NFATC1: variants seen among roughly 807,000 people sequenced by gnomAD.
The protein encoded by NFATC1 is nuclear factor of activated T-cells, cytoplasmic 1.
A neutral mutation model predicts 76.0 loss-of-function variants in NFATC1; 22 were observed. That is an observed-to-expected ratio of 0.29 (90% confidence interval 0.21 to 0.41). The LOEUF (loss-of-function observed/expected upper bound fraction) is 0.41. NFATC1 is among the 10% of genes least tolerant of loss of function. The probability of loss-of-function intolerance (pLI) is 1.00; values close to 1 mark genes in which losing one functional copy is unlikely to be tolerated. For synonymous variants in NFATC1, 704 were observed against 613.1 expected, an observed-to-expected ratio of 1.15 and a Z score of -2.19; for missense variants, 1,357 against 1,337.7, an observed-to-expected ratio of 1.01 and a Z score of -0.23.
Position 79,469,471 on chromosome 18 carries a change from G to A in NFATC1, c.2092+1889G>A, listed in dbSNP as rs368590319. ...AGGACCGTGGCCACAGCATGAAGCC[G>A]GTGGGGCTGAGCCGCTCCTGCTACC... On this transcript the variant is annotated intron_variant, in intron 8 of 9. Transcript: ENST00000427363. The A allele has an allele frequency of 6.3e-4, 618 of 985,384 alleles. 4 individuals carry two copies. The African/African-American group carries it at 9.0e-3, about 14-fold the overall frequency. 61.0% of individuals were successfully genotyped at this position (985,384 alleles called of 1,614,324 possible). A position where few individuals can be genotyped will look rare whatever the true frequency, so the allele number is the denominator to read the frequency against.
At chr18:79,396,962 G>A (rs756645368) in intron 1 of NFATC1, among the ~76,000 whole-genome samples, 2 of 152,234 alleles carry the variant, frequency 1.3e-5, no homozygotes, top group Non-Finnish European at 2.9e-5. Flanking sequence ...AATCCTATAG[G>A]CAGGAGTTCC....
rs1601003738 is a variant in NFATC1 at position 79,521,347 on chromosome 18, G to C, written c.2783-6181G>C. 4.1e-5 allele frequency among the ~76,000 whole-genome samples: 4 copies of C among 97,424 alleles called. 1 individual carries two copies. The Admixed American group carries it at 4.8e-4, about 12-fold the overall frequency. 63.9% of individuals were successfully genotyped at this position (97,424 alleles called of 152,430 possible). On this transcript the variant is annotated intron_variant, in intron 9 of 9. Coordinates refer to ENST00000427363, the MANE Select transcript of NFATC1 (RefSeq NM_001278669.2). Reference sequence around the variant, plus strand: ...TGTCTGTGTGTGTGTGTGTAGGGGGGGAGCATCCACTGATGTGTGTGTGTG... The same window carrying C: ...TGTCTGTGTGTGTGTGTGTAGGGGGCGAGCATCCACTGATGTGTGTGTGTG...
At position 79,474,033 on chromosome 18, in the gene NFATC1, C is replaced by T. The variant is rs1182632880; in HGVS notation, c.2092+6451C>T. On this transcript the variant is annotated intron_variant, in intron 8 of 9. Coordinates refer to ENST00000427363, the MANE Select transcript of NFATC1 (RefSeq NM_001278669.2). ...ACTGTCGACGTAAACCTGAGGGAAG[C>T]GTGTTCTCACGCTCGCTGTCAACGT... 7.7e-4 allele frequency among the ~76,000 whole-genome samples: 107 copies of T among 138,592 alleles called. 1 individual carries two copies. The highest frequency in any genetic ancestry group is 1.1e-3 in the Non-Finnish European group (75 of 65,898). The allele number at this position is 138,592 out of a possible 152,430, so 90.9% of individuals were successfully genotyped here.
chr18:79,502,861 C>G (rs1358006563), intron 9 of NFATC1, among the ~76,000 whole-genome samples: 1 of 152,162 alleles, frequency 6.6e-6, no homozygotes, highest in Non-Finnish European at 1.5e-5. Context: ...GCCCCTGAAG[C>G]CTTGCTGGCA....
intron 8 of NFATC1, among the ~76,000 whole-genome samples, chr18:79,479,775 G>A (rs117383241): frequency 0.025 from 3,872 of 152,314 alleles, 91 homozygotes; most frequent in Non-Finnish European, 0.042. Flanking sequence ...GCCGTCCACC[G>A]CCCTTTGTCC....
At chr18:79,454,027 C>G (rs1051964980) in intron 6 of NFATC1, among the ~76,000 whole-genome samples, 1 of 152,168 alleles carries the variant, frequency 6.6e-6, no homozygotes, top group Non-Finnish European at 1.5e-5. Flanking sequence ...CACAGTTGCC[C>G]TCTCGTTTTC....
intron 9 of NFATC1, among the ~76,000 whole-genome samples, chr18:79,492,201 T>C (rs1477596338): frequency 6.6e-6 from 1 of 152,150 alleles, no homozygotes; most frequent in Non-Finnish European, 1.5e-5. Flanking sequence ...TGGAGCCTCC[T>C]CTGTGGCAGC....
At chr18:79,430,742 G>A (rs1299735071) in intron 2 of NFATC1, among the ~76,000 whole-genome samples, 2 of 152,242 alleles carry the variant, frequency 1.3e-5, no homozygotes, top group Non-Finnish European at 2.9e-5. Context: ...GGTGCAAGGT[G>A]CCTGAGACGG....
chr18:79,487,854 G>A (rs963596477), intron 9 of NFATC1, among the ~76,000 whole-genome samples: 2 of 152,226 alleles, frequency 1.3e-5, no homozygotes, highest in East Asian at 1.9e-4. Context: ...TGGTGACCAC[G>A]CGTTAGAGGG....
intron 8 of NFATC1, among the ~76,000 whole-genome samples, chr18:79,483,954 A>T (rs1569018848): frequency 8.1e-6 from 1 of 123,260 alleles, no homozygotes; most frequent in South Asian, 2.6e-4. Flanking sequence ...CTGGGGTGTC[A>T]CTCCAGGGTG....
intron 6 of NFATC1, 182 bp downstream of exon 6, chr18:79,451,998 C>G: frequency 1.6e-6 from 1 of 640,948 alleles, no homozygotes; most frequent in Non-Finnish European, 2.4e-6. Flanking sequence ...TTGTGTGAGC[C>G]GACAGCTGTG....
chr18:79,454,429 G>A (rs1288048932), intron 6 of NFATC1, among the ~76,000 whole-genome samples: 4 of 152,244 alleles, frequency 2.6e-5, no homozygotes, highest in Admixed American at 2.6e-4. Context: ...CTGGAAGGCT[G>A]GGAGAAGCTG....
At chr18:79,506,312 G>C (rs2090120231) in intron 9 of NFATC1, among the ~76,000 whole-genome samples, 1 of 152,306 alleles carries the variant, frequency 6.6e-6, no homozygotes, top group Non-Finnish European at 1.5e-5. Context: ...TCCGTGGACA[G>C]ATGCTCCTGA....
chr18:79,402,088 C>T (rs1030973869), intron 1 of NFATC1, among the ~76,000 whole-genome samples: 14 of 152,252 alleles, frequency 9.2e-5, no homozygotes, highest in Non-Finnish European at 1.6e-4. Context: ...AGCGCACCCC[C>T]AGTGACAAGG....
At chr18:79,457,513 A>G (rs932500604) in intron 6 of NFATC1, among the ~76,000 whole-genome samples, 1 of 152,202 alleles carries the variant, frequency 6.6e-6, no homozygotes, top group Non-Finnish European at 1.5e-5. Context: ...CATACACGAC[A>G]AAGTCACCCA....
At chr18:79,459,005 G>T (rs890374120) in intron 6 of NFATC1, among the ~76,000 whole-genome samples, 1 of 152,350 alleles carries the variant, frequency 6.6e-6, no homozygotes, top group South Asian at 2.1e-4. Context: ...GACCTGAAAC[G>T]GCCACAGACG....
At chr18:79,402,305 G>C (rs1230950545) in intron 1 of NFATC1, 1 of 985,114 alleles carries the variant, frequency 1.0e-6, no homozygotes, top group African/African-American at 1.7e-5. Flanking sequence ...CGGGCTTCCT[G>C]CTGGCATCGG....
rs751424401 is a variant in NFATC1, at chr18:79,410,046, C to T, written c.128-357C>T. ...CCCAGTCGCCTCTCTCTGGGAAGGACGTTCGGATGAAGATGGGGTGGTTGG... is the reference window on the plus strand; with the variant it reads ...CCCAGTCGCCTCTCTCTGGGAAGGATGTTCGGATGAAGATGGGGTGGTTGG... On this transcript the variant is annotated intron_variant, in intron 1 of 9. Coordinates refer to ENST00000427363, the MANE Select transcript of NFATC1 (RefSeq NM_001278669.2). This position sits in a 1 kb window ranked among gnomAD's most constrained non-coding sequence, Gnocchi z 6.7. 35 of 610,934 alleles carry T rather than the reference C, an allele frequency of 5.7e-5. 1 individual carries two copies. The highest frequency in any genetic ancestry group is 6.2e-5 in the Non-Finnish European group (20 of 320,102). 37.8% of individuals were successfully genotyped at this position (610,934 alleles called of 1,614,324 possible). A position where few individuals can be genotyped will look rare whatever the true frequency, so the allele number is the denominator to read the frequency against.
intron 8 of NFATC1, among the ~76,000 whole-genome samples, chr18:79,485,863 C>T (rs1480083731): frequency 6.6e-6 from 1 of 152,236 alleles, no homozygotes; most frequent in Non-Finnish European, 1.5e-5. Flanking sequence ...TCGAGTTTAC[C>T]AAATGTGCAG....
Sources: allele counts gnomAD v4.1 joint callset (sites outside exome capture counted in the v4.1 genomes callset), GRCh38; gene constraint gnomAD v4.1.1; non-coding constraint Gnocchi (gnomAD v3.1); transcripts MANE v1.5; gene names NCBI Gene and HGNC (gene_info 2026-07-23, HGNC 2026-07-21).